ITGAX: variants seen among roughly 807,000 people sequenced by gnomAD.
The protein encoded by ITGAX is integrin subunit alpha X.
A neutral mutation model predicts 140.2 loss-of-function variants in ITGAX; 99 were observed. That is an observed-to-expected ratio of 0.71 (90% CI 0.60 to 0.83). ITGAX has a LOEUF of 0.83. Ranked by LOEUF, ITGAX falls within the 40% of genes least tolerant of loss-of-function variation. The pLI is 0.00. For synonymous variants in ITGAX, 631 were observed against 600.4 expected (o/e 1.05, Z -0.75); for missense variants, 1,444 against 1,482.0 (o/e 0.97, Z 0.42).
At chr16:31,377,673 GCT>G (rs901296668) in intron 23 of ITGAX, among the ~76,000 whole-genome samples, 1 of 152,186 alleles carries the variant, frequency 6.6e-6, no homozygotes, top group African/African-American at 2.4e-5. Flanking sequence ...TGTGCCCCAG[GCT>G]CTCATACCCC....
intron 20 of ITGAX, 134 bp from the exon 21 acceptor site, chr16:31,376,665 G>T (rs775551477): frequency 1.4e-6 from 1 of 735,036 alleles, no homozygotes; most frequent in Non-Finnish European, 2.3e-6. Context: ...CTTAAGGTGG[G>T]CTCCAGGAAG....
At chr16:31,357,579 C>T in intron 5 of ITGAX, 1 of 542,440 alleles carries the variant, frequency 1.8e-6, no homozygotes, top group Non-Finnish European at 3.2e-6. Context: ...CTCTCCAAGC[C>T]TCAGTTTCTT....
intron 7 of ITGAX, 92 bp from the exon 8 acceptor site, chr16:31,360,218 C>G (rs982203028): frequency 1.7e-5 from 26 of 1,519,544 alleles, no homozygotes; most frequent in Non-Finnish European, 2.3e-5. Context: ...TGGGGCCTCC[C>G]AAAGGAAAAG....
At chr16:31,373,450 G>T (rs1310090123) in intron 20 of ITGAX, 60 bp downstream of exon 20, 2 of 1,523,292 alleles carry the variant, frequency 1.3e-6, no homozygotes, top group Non-Finnish European at 1.8e-6. Context: ...ATTCCCGTGC[G>T]GTTCAGAACC....
At position 31,373,219 on chromosome 16, in the gene ITGAX, ATCT is replaced by A. The variant is rs764960626; in HGVS notation, c.2367-26_2367-24del. On this transcript the variant is annotated intron_variant, in intron 19 of 29. Coordinates refer to ENST00000268296, the MANE Select transcript of ITGAX (RefSeq NM_000887.5). The stretch of plus-strand genomic sequence containing the variant: ...CATTTCTAGCCTCAGTCACAGAATC[ATCT>A]TCTCCTTTCCTTCACCTGATACCCA... The A allele has an allele frequency of 3.7e-5, 58 of 1,588,518 alleles. No homozygotes were observed. The East Asian group carries it at 9.8e-4, about 27-fold the overall frequency.
Position 31,359,567 on chromosome 16 carries a change from G to A in ITGAX, c.431-133G>A, listed in dbSNP as rs151202959. 1.0e-3 allele frequency: 1,018 copies of A among 1,003,494 alleles called. 6 individuals carry two copies. In the African/African-American group the frequency reaches 0.015, roughly 15 times the overall value. 62.2% of individuals were successfully genotyped at this position (1,003,494 alleles called of 1,614,324 possible). A position where few individuals can be genotyped will look rare whatever the true frequency, so the allele number is the denominator to read the frequency against. On this transcript the variant is annotated intron_variant, in intron 5 of 29. Coordinates refer to ENST00000268296, the MANE Select transcript of ITGAX (RefSeq NM_000887.5). ...ATGAGGAGAGGACCCAGGGTGTGGA[G>A]CCTGACTCCCATCGCCAGACTAGGG...
rs372583181 is a variant in ITGAX, at chr16:31,355,874, C to G, written c.38-19C>G. 3.1e-6 allele frequency: 5 copies of G among 1,592,502 alleles called. No homozygotes were observed. Among genetic ancestry groups the G allele is most frequent in the Non-Finnish European group, 4.3e-6 (5 of 1,161,628 alleles). ...AAGGAAGACCCTTCTCCAAAGCTCT[C>G]TTCCCACCTCTTTCCCAGCCTTAGC... On this transcript the variant is annotated intron_variant, in intron 1 of 29. Coordinates refer to ENST00000268296, the MANE Select transcript of ITGAX (RefSeq NM_000887.5).
chr16:31,356,360 G>C (rs1179636548), intron 2 of ITGAX: 2 of 462,390 alleles, frequency 4.3e-6, no homozygotes, highest in Non-Finnish European at 7.8e-6. Flanking sequence ...AAACTCCTGG[G>C]CTCAAGCAAT....
At chr16:31,363,599 C>A (rs933631046) in intron 14 of ITGAX, among the ~76,000 whole-genome samples, 4 of 151,478 alleles carry the variant, frequency 2.6e-5, no homozygotes, top group Non-Finnish European at 5.9e-5. Context: ...GCATGCACCA[C>A]CATGTCCGGT....
At chr16:31,362,873 A>T in intron 12 of ITGAX, 62 bp from the exon 13 acceptor site, 4 of 1,607,718 alleles carry the variant, frequency 2.5e-6, no homozygotes, top group Non-Finnish European at 3.4e-6. Flanking sequence ...GAGAGGTGGG[A>T]CCTGGCCCAC....
rs537503343 is a variant in ITGAX, at chr16:31,371,802, C to T, written c.2160+18C>T. 28 of 1,612,042 alleles carry T rather than the reference C, an allele frequency of 1.7e-5. No homozygotes were observed. Among genetic ancestry groups the T allele is most frequent in the South Asian group, 6.6e-5 (6 of 90,930 alleles). On this transcript the variant is annotated intron_variant, in intron 17 of 29. Coordinates refer to ENST00000268296, the MANE Select transcript of ITGAX (RefSeq NM_000887.5). ...TGCTCCCGGTGCGTCTGGGCATGAA[C>T]GTGGGTGGCGGCCGCGCTGGGGCTG... is the stretch of plus-strand genomic sequence containing the variant.
intron 14 of ITGAX, among the ~76,000 whole-genome samples, chr16:31,369,056 C>G (rs945743822): frequency 5.3e-5 from 8 of 152,354 alleles, no homozygotes; most frequent in African/African-American, 1.9e-4. Context: ...TTTTCCCCAC[C>G]TTTCCCCCCT....
At chr16:31,376,772 T>C in intron 20 of ITGAX, 27 bp from the exon 21 acceptor site, 1 of 1,605,434 alleles carries the variant, frequency 6.2e-7, no homozygotes, top group South Asian at 1.1e-5. Context: ...TTTCAACTAA[T>C]ACTCCTCTAC....
rs1335145397 is a variant in ITGAX at position 31,373,333 on chromosome 16, C to A, written c.2451C>A (p.Thr817=). The A allele has an allele frequency of 4.3e-6, 7 of 1,613,542 alleles. No homozygotes were observed. The highest frequency in any genetic ancestry group is 1.3e-5 in the African/African-American group (1 of 74,884). ...ATGACGGGGAAGACTCCTACGGAAC[C>A]ACCATCACCTTCTCCCACCCCGCAG... The part of the protein sequence containing the change: ...VWNDGEDSYG[T]TITFSHPAGL... The change falls in exon 20 of 30, where the codon ACC becomes ACA. Residue 817 remains threonine (T), a synonymous_variant. Coordinates refer to ENST00000268296, the MANE Select transcript of ITGAX (RefSeq NM_000887.5).
Position 31,355,281 on chromosome 16 carries a change from C to T in ITGAX, c.27C>T (p.Leu9=), listed in dbSNP as rs758621773. MTRTRAAL[L]LFTALATSLG... ...TGACCAGGACCAGGGCAGCACTCCT[C>T]CTGTTCACAGGTGAGCCTGGACCCC... The change falls in exon 1 of 30, where the codon CTC becomes CTT. Residue 9 remains leucine (L), a synonymous_variant. Transcript: ENST00000268296. 4.3e-5 allele frequency: 69 copies of T among 1,613,738 alleles called. No individual in the cohort carries two copies. The highest frequency in any genetic ancestry group is 5.8e-5 in the Non-Finnish European group (68 of 1,180,002).
chr16:31,356,490 A>G, intron 2 of ITGAX, 135 bp from the exon 3 acceptor site: 2 of 622,242 alleles, frequency 3.2e-6, no homozygotes. Flanking sequence ...TCCCTTCCAC[A>G]TGGACTTTAA....
rs1597077420 is a variant in ITGAX, at chr16:31,371,882, G to A, written c.2160+98G>A. 3 of 1,418,634 alleles carry A rather than the reference G, an allele frequency of 2.1e-6. No homozygotes were observed. The East Asian group carries it at 7.1e-5, about 34-fold the overall frequency. The allele number at this position is 1,418,634 out of a possible 1,614,324, so 87.9% of individuals were successfully genotyped here. ...TGTGTTCCGGCCTCCCTGTGGCTCA[G>A]CCCAGCACAGGACCAGCCATGCAGG... On this transcript the variant is annotated intron_variant, in intron 17 of 29. Transcript: ENST00000268296.
At chr16:31,361,570 C>T (rs756739350) in intron 9 of ITGAX, 45 of 707,790 alleles carry the variant, frequency 6.4e-5, no homozygotes, top group African/African-American at 1.8e-4. Context: ...AAGGGGCACA[C>T]GGACACCTGG....
At chr16:31,372,819 C>G in intron 19 of ITGAX, 149 bp downstream of exon 19, 1 of 782,882 alleles carries the variant, frequency 1.3e-6, no homozygotes. Flanking sequence ...GCCTGTAATC[C>G]CAGCACTTTG....
Sources: allele counts gnomAD v4.1 joint callset (sites outside exome capture counted in the v4.1 genomes callset), GRCh38; gene constraint gnomAD v4.1.1; transcripts MANE v1.5; gene names NCBI Gene and HGNC (gene_info 2026-07-23, HGNC 2026-07-21).